MLLT10: variants seen among roughly 807,000 people sequenced by gnomAD.
The protein encoded by MLLT10 is protein AF-10.
A neutral mutation model predicts 129.1 loss-of-function variants in MLLT10; 30 were observed. The observed-to-expected ratio is 0.23, with a 90% CI of 0.17 to 0.32. The LOEUF (loss-of-function observed/expected upper bound fraction) is 0.32. Among genes scored for constraint, MLLT10 ranks in the 10% least tolerant of loss-of-function variants. The probability of loss-of-function intolerance (pLI) is 1.00; values close to 1 mark genes in which losing one functional copy is unlikely to be tolerated. For synonymous variants in MLLT10, 490 were observed against 446.4 expected, an observed-to-expected ratio of 1.10 and a Z score of -1.23; for missense variants, 1,119 against 1,268.3, an observed-to-expected ratio of 0.88 and a Z score of 1.79.
intron 13 of MLLT10, among the ~76,000 whole-genome samples, chr10:21,702,620 A>T (rs1160486235): frequency 6.6e-6 from 1 of 151,946 alleles, no homozygotes; most frequent in Non-Finnish European, 1.5e-5. Flanking sequence ...TTTGGTGCAT[A>T]TATATTTAGA....
Position 21,670,548 on chromosome 10 carries a change from G to C in MLLT10, c.895G>C (p.Ala299Pro). 6.2e-7 allele frequency: 1 copy of C among 1,614,140 alleles called. No individual in the cohort carries two copies. Among genetic ancestry groups the C allele is most frequent in the South Asian group, 1.1e-5 (1 of 91,080 alleles). ...AAATGCAAATTTCCAGGAAGTCTCTGCACACACCTCTAGTGGAAAAGATGT... is the reference window on the plus strand; with the variant it reads ...AAATGCAAATTTCCAGGAAGTCTCTCCACACACCTCTAGTGGAAAAGATGT... Reference protein sequence around the residue: ...FTNANFQEVSAHTSSGKDVSE... With the variant: ...FTNANFQEVSPHTSSGKDVSE... The change falls in exon 10 of 23, where the codon GCA becomes CCA. Residue 299 changes from alanine to proline, a missense_variant. By Grantham distance (27) the Ala-to-Pro change is conservative (BLOSUM62 -1). This residue lies in a region of MLLT10 where 1,004 missense variants were observed against 1,008.7 expected (regional missense o/e 1.00). Transcript: ENST00000307729.
At chr10:21,716,861 TG>T (rs1435221970) in intron 14 of MLLT10, among the ~76,000 whole-genome samples, 2 of 152,132 alleles carry the variant, frequency 1.3e-5, no homozygotes, top group African/African-American at 4.8e-5. Context: ...TTTTATTGAT[TG>T]GATTGGTGTC....
intron 3 of MLLT10, among the ~76,000 whole-genome samples, chr10:21,574,547 A>G (rs572243539): frequency 6.6e-6 from 1 of 152,218 alleles, no homozygotes; most frequent in African/African-American, 2.4e-5. Flanking sequence ...AAGAATGGCT[A>G]CTCCATAGGG....
At chr10:21,612,320 T>G in intron 5 of MLLT10, 28 bp from the exon 6 acceptor site, 3 of 1,410,700 alleles carry the variant, frequency 2.1e-6, no homozygotes, top group South Asian at 1.2e-5. Context: ...CATGTATGAT[T>G]TTTGTCTTTT....
At chr10:21,602,275 G>T (rs2043610463) in intron 5 of MLLT10, among the ~76,000 whole-genome samples, 1 of 152,158 alleles carries the variant, frequency 6.6e-6, no homozygotes, top group Non-Finnish European at 1.5e-5. Context: ...GGTTTATCCA[G>T]CTACAAAATT....
chr10:21,703,772 C>G (rs2131480428), intron 13 of MLLT10, among the ~76,000 whole-genome samples: 1 of 151,940 alleles, frequency 6.6e-6, no homozygotes, highest in Admixed American at 6.6e-5. Context: ...TCTCGAACTT[C>G]TGACTTTGTG....
Position 21,555,756 on chromosome 10 carries a change from C to T in MLLT10, c.240+16844C>T, listed in dbSNP as rs1417726416. Among the ~76,000 whole-genome samples, 5 of 151,512 alleles carry T rather than the reference C, an allele frequency of 3.3e-5. No individual in the cohort carries two copies. The East Asian group carries it at 7.8e-4, about 23-fold the overall frequency. Reference sequence around the variant, plus strand: ...GATCTTGGGTCGCCACAACCTCTGCCTCCCGGGTTCAAGTGGTTCTTCTGC... The same window carrying T: ...GATCTTGGGTCGCCACAACCTCTGCTTCCCGGGTTCAAGTGGTTCTTCTGC... On this transcript the variant is annotated intron_variant, in intron 3 of 22. Transcript: ENST00000307729.
rs2058276363 is a variant in MLLT10 at position 21,735,352 on chromosome 10, A to G, written c.2955+117A>G. On this transcript the variant is annotated intron_variant, in intron 21 of 22. Transcript: ENST00000307729. ...ACATTATTGAATGCATAATCAAAAA[A>G]GTTTTTCTTGCCATGTGGTACAGGC... 7.9e-6 allele frequency: 7 copies of G among 889,658 alleles called. No individual in the cohort carries two copies. The South Asian group carries it at 9.9e-5, about 13-fold the overall frequency. The allele number at this position is 889,658 out of a possible 1,614,324, so 55.1% of individuals were successfully genotyped here. A position where few individuals can be genotyped will look rare whatever the true frequency, so the allele number is the denominator to read the frequency against.
intron 4 of MLLT10, among the ~76,000 whole-genome samples, chr10:21,592,961 A>T (rs574836896): frequency 1.3e-5 from 2 of 152,060 alleles, no homozygotes; most frequent in African/African-American, 2.4e-5. Context: ...CTGCCTGCCT[A>T]TTACATTTTT....
chr10:21,651,149 A>C (rs2048994738), intron 8 of MLLT10, among the ~76,000 whole-genome samples: 1 of 152,050 alleles, frequency 6.6e-6, no homozygotes. Context: ...TTGGCTCACC[A>C]CAACCTCCGC....
At chr10:21,585,795 T>C (rs943107327) in intron 3 of MLLT10, among the ~76,000 whole-genome samples, 1 of 152,192 alleles carries the variant, frequency 6.6e-6, no homozygotes, top group Non-Finnish European at 1.5e-5. Context: ...GAGTTTCGTT[T>C]TTGTTGCCCA....
chr10:21,622,329 T>C (rs1249137932), intron 8 of MLLT10, among the ~76,000 whole-genome samples: 1 of 151,300 alleles, frequency 6.6e-6, no homozygotes, highest in Non-Finnish European at 1.5e-5. Context: ...GCCAATTTTT[T>C]TTTTTTTTTT....
intron 3 of MLLT10, among the ~76,000 whole-genome samples, chr10:21,554,552 C>G (rs1021954319): frequency 6.6e-6 from 1 of 151,282 alleles, no homozygotes; most frequent in Non-Finnish European, 1.5e-5. Flanking sequence ...CTTCCGGGTT[C>G]AAGTGATTCC....
At chr10:21,626,485 A>G (rs916273183) in intron 8 of MLLT10, among the ~76,000 whole-genome samples, 5 of 152,190 alleles carry the variant, frequency 3.3e-5, no homozygotes, top group African/African-American at 1.2e-4. Context: ...CTATTCCTGC[A>G]AGAATCAACC....
chr10:21,737,745 G>A (rs776341902), intron 21 of MLLT10, among the ~76,000 whole-genome samples: 1 of 152,102 alleles, frequency 6.6e-6, no homozygotes, highest in Non-Finnish European at 1.5e-5. Context: ...GTGGACAGTC[G>A]TGGGGCTTCC....
intron 21 of MLLT10, 26 bp downstream of exon 21, chr10:21,735,261 T>G (rs767277164): frequency 6.6e-7 from 1 of 1,506,536 alleles, no homozygotes; most frequent in Non-Finnish European, 9.2e-7. Context: ...TGATAATATC[T>G]TATTAGGAGC....
intron 1 of MLLT10, 31 bp downstream of exon 1, chr10:21,534,551 G>A (rs1199695600): frequency 1.5e-6 from 2 of 1,361,534 alleles, no homozygotes; most frequent in African/African-American, 2.9e-5. Context: ...CGGGCCGGGC[G>A]GGGGGCGCCG....
chr10:21,567,425 C>T (rs945122988), intron 3 of MLLT10, among the ~76,000 whole-genome samples: 3 of 152,154 alleles, frequency 2.0e-5, no homozygotes, highest in African/African-American at 7.2e-5. Flanking sequence ...AAAGTTCTCA[C>T]TCTCTACTAG....
intron 3 of MLLT10, among the ~76,000 whole-genome samples, chr10:21,558,170 C>T (rs935800813): frequency 5.3e-5 from 8 of 151,720 alleles, no homozygotes; most frequent in African/African-American, 1.9e-4. Flanking sequence ...AGGCTCGTCT[C>T]GAACTACTGA....
Sources: gnomAD v4.1 joint callset for allele counts (sites outside exome capture counted in the v4.1 genomes callset) on GRCh38, gnomAD v4.1.1 for gene constraint, gnomAD v4.1.1 regional missense constraint, MANE v1.5 for transcripts, NCBI Gene and HGNC (gene_info 2026-07-23, HGNC 2026-07-21) for gene names.